The following SYNE1 variants were observed in gnomAD, a reference collection of about 807,000 sequenced individuals.
SYNE1 encodes nesprin-1.
Under a neutral mutation model 1,111.0 loss-of-function variants are expected in SYNE1, and 616 were observed. The observed-to-expected ratio is 0.55, with a 90% confidence interval of 0.52 to 0.59. SYNE1 has a LOEUF of 0.59. Among genes scored for constraint, SYNE1 ranks in the 20% least tolerant of loss-of-function variants. SYNE1 has a pLI of 0.00. For synonymous variants in SYNE1, 3,855 were observed against 3,825.8 expected, an observed-to-expected ratio of 1.01 and a Z score of -0.28; for missense variants, 10,006 against 10,417.0, an observed-to-expected ratio of 0.96 and a Z score of 1.72.
rs535844784 is a variant in SYNE1, at chr6:152,419,273, G to A, written c.5421+296C>T. On this transcript the variant is annotated intron_variant, in intron 40 of 145. Coordinates refer to ENST00000367255, the MANE Select transcript of SYNE1 (RefSeq NM_182961.4). The stretch of plus-strand genomic sequence containing the variant: ...TTCAGTTTTGAAATAAAACAAACTG[G>A]GAAGCTTAAAAATGGACATTCTTAT... Among the ~76,000 whole-genome samples the A allele has an allele frequency of 1.1e-4, 17 of 152,148 alleles. No individual in the cohort carries two copies. In the South Asian group the frequency reaches 2.5e-3, roughly 22 times the overall value.
chr6:152,220,752 A>T, intron 119 of SYNE1, 90 bp downstream of exon 119: 1 of 1,202,530 alleles, frequency 8.3e-7, no homozygotes, highest in Admixed American at 1.7e-5. Flanking sequence ...CTCACATAGA[A>T]AGACATACCA....
intron 105 of SYNE1, among the ~76,000 whole-genome samples, chr6:152,245,981 G>A (rs1321099758): frequency 6.6e-6 from 1 of 152,112 alleles, no homozygotes; most frequent in Non-Finnish European, 1.5e-5. Flanking sequence ...CTGAATGTGG[G>A]GCCCCTGAGT....
chr6:152,409,782 T>C, intron 42 of SYNE1, 73 bp from the exon 43 acceptor site: 1 of 1,520,650 alleles, frequency 6.6e-7, no homozygotes, highest in Non-Finnish European at 9.1e-7. Flanking sequence ...GCAATTGGAC[T>C]TGATGTTTCA....
At chr6:152,546,541 C>T (rs2099314111) in intron 3 of SYNE1, 1 of 152,094 alleles carries the variant, frequency 6.6e-6, no homozygotes. Context: ...TTCAACTCTG[C>T]TCTGAGACCT....
intron 45 of SYNE1, 71 bp downstream of exon 45, chr6:152,406,943 A>G: frequency 9.1e-7 from 1 of 1,103,418 alleles, no homozygotes; most frequent in Non-Finnish European, 1.2e-6. Flanking sequence ...TTTAAGAAAG[A>G]CTTTTTTTTT....
chr6:152,290,684 C>G (rs907293864), intron 95 of SYNE1, among the ~76,000 whole-genome samples: 8 of 152,210 alleles, frequency 5.3e-5, no homozygotes, highest in South Asian at 4.2e-4. Context: ...CTTAAAAAAA[C>G]ATGAATACTT....
chr6:152,224,642 A>C lies in SYNE1; in HGVS notation c.21374T>G (p.Leu7125Arg). The change falls in exon 117 of 146, where the codon CTG (leucine) becomes CGG (arginine). Residue 7125 changes from leucine (L) to arginine (R), a missense_variant. By Grantham distance (102) the Leu-to-Arg change is moderately radical. This residue lies in a region of SYNE1 where 2,182 missense variants were observed against 2,287.8 expected (regional missense o/e 0.95). Transcript: ENST00000367255. ...ACTCCATTGGTCAAGCACTGATTTC[A>C]GCAGTATCTTTAATTGTCCAACCTT... ...DHMVGQLKIL[L>R]KSVLDQWSSH... The C allele has an allele frequency of 6.2e-7, 1 of 1,613,972 alleles. No individual in the cohort carries two copies. Among genetic ancestry groups the C allele is most frequent in the Non-Finnish European group, 8.5e-7 (1 of 1,179,960 alleles).
intron 144 of SYNE1, among the ~76,000 whole-genome samples, chr6:152,131,815 G>C (rs541187788): frequency 6.6e-6 from 1 of 152,310 alleles, no homozygotes; most frequent in East Asian, 1.9e-4. Flanking sequence ...CTTGAAGAAA[G>C]GAGCCACCAA....
intron 81 of SYNE1, among the ~76,000 whole-genome samples, chr6:152,324,316 T>A (rs954608301): frequency 1.3e-5 from 2 of 151,566 alleles, no homozygotes; most frequent in African/African-American, 2.4e-5. Context: ...GGAGAATTGC[T>A]TGAACCCAGG....
chr6:152,615,626 T>C (rs1744391), intron 3 of SYNE1, among the ~76,000 whole-genome samples: 96,742 of 152,022 alleles, frequency 0.64, 31,057 homozygotes, highest in Non-Finnish European at 0.69. Context: ...TAGAGTATTA[T>C]TTGTACACAT....
intron 4 of SYNE1, among the ~76,000 whole-genome samples, chr6:152,531,205 A>C (rs534980254): frequency 6.6e-6 from 1 of 151,972 alleles, no homozygotes; most frequent in Non-Finnish European, 1.5e-5. Flanking sequence ...CTCAATAAGA[A>C]AATGAAAAAA....
Position 152,416,589 on chromosome 6 carries a change from C to A in SYNE1, c.5848G>T (p.Ala1950Ser). Reference sequence around the variant, plus strand: ...TCTCCACAGAGCTGATCAGCCGTGGCTCTGCAGGAAGTCCTTTGCTCAGAG... The same window carrying A: ...TCTCCACAGAGCTGATCAGCCGTGGATCTGCAGGAAGTCCTTTGCTCAGAG... ...GSSEQRTSCR[A>S]TADQLCGEVE... Residue 1950 changes from alanine (A) to serine (S), a missense_variant, in exon 41 of 146, where the codon GCC (alanine) becomes TCC (serine). Physicochemically the swap from Ala to Ser is moderately conservative, Grantham distance 99. This residue lies in a region of SYNE1 where 4,955 missense variants were observed against 5,017.2 expected (regional missense o/e 0.99). Coordinates refer to ENST00000367255, the MANE Select transcript of SYNE1 (RefSeq NM_182961.4). 1 of 1,614,104 alleles carries A rather than the reference C, an allele frequency of 6.2e-7. No individual in the cohort carries two copies. Among genetic ancestry groups the A allele is most frequent in the East Asian group, 2.2e-5 (1 of 44,858 alleles).
chr6:152,396,823 C>T lies in SYNE1; in HGVS notation c.7508G>A (p.Cys2503Tyr). The T allele has an allele frequency of 6.2e-7, 1 of 1,614,160 alleles. No individual in the cohort carries two copies. The highest frequency in any genetic ancestry group is 1.1e-5 in the South Asian group (1 of 91,080). ...NEEFQAFLKQ[C>Y]LKDKQALQDC... ...TTGAAGAGCCTGCTTATCTTTAAGG[C>T]ATTGTTTCAGAAATGCTTGAAACTC... is the stretch of plus-strand genomic sequence containing the variant. Residue 2503 changes from cysteine (C) to tyrosine (Y), a missense_variant, in exon 50 of 146, where the codon TGC becomes TAC. Physicochemically the swap from Cys to Tyr is radical, Grantham distance 194. Around this residue, in one of 7 missense-constraint regions of SYNE1, gnomAD observed 4,955 missense variants for 5,017.2 expected, o/e 0.99. Coordinates refer to ENST00000367255, the MANE Select transcript of SYNE1 (RefSeq NM_182961.4).
At chr6:152,179,919 A>G (rs1354822940) in intron 129 of SYNE1, among the ~76,000 whole-genome samples, 4 of 151,656 alleles carry the variant, frequency 2.6e-5, no homozygotes, top group Non-Finnish European at 5.9e-5. Context: ...TCCTGACCTC[A>G]TGATCTGCCC....
chr6:152,221,061 C>G lies in SYNE1; in HGVS notation c.21657-15G>C. The G allele has an allele frequency of 2.5e-6, 4 of 1,613,526 alleles. No individual in the cohort carries two copies. The highest frequency in any genetic ancestry group is 3.4e-6 in the Non-Finnish European group (4 of 1,179,622). ...AGTTATTCCATCTGGAAATAATAAC[C>G]AACACTCATGAGCAGATTACCACCT... On this transcript the variant is annotated splice_polypyrimidine_tract_variant and intron_variant, in intron 118 of 145. Coordinates refer to ENST00000367255, the MANE Select transcript of SYNE1 (RefSeq NM_182961.4).
intron 3 of SYNE1, among the ~76,000 whole-genome samples, chr6:152,600,482 C>T (rs1419923849): frequency 6.6e-6 from 1 of 152,088 alleles, no homozygotes; most frequent in Non-Finnish European, 1.5e-5. Flanking sequence ...TACATAGAAA[C>T]TTAAGTGCAG....
At chr6:152,470,308 C>G (rs766577960) in intron 16 of SYNE1, among the ~76,000 whole-genome samples, 2 of 152,060 alleles carry the variant, frequency 1.3e-5, no homozygotes, top group Non-Finnish European at 2.9e-5. Flanking sequence ...TCTGAAATAT[C>G]CAGAACAAAG....
At chr6:152,245,050 G>A (rs1051718205) in intron 105 of SYNE1, among the ~76,000 whole-genome samples, 4 of 152,206 alleles carry the variant, frequency 2.6e-5, no homozygotes, top group African/African-American at 9.7e-5. Context: ...TCCTTGAAAC[G>A]TAGCTGTGAG....
Position 152,148,331 on chromosome 6 carries a change from T to TTCCAGC in SYNE1, c.24684_24689dup (p.Leu8229_Glu8230dup), listed in dbSNP as rs1356528122. 1.2e-6 allele frequency: 2 copies of TTCCAGC among 1,614,066 alleles called. No homozygotes were observed. Among genetic ancestry groups the TTCCAGC allele is most frequent in the African/African-American group, 2.7e-5 (2 of 74,944 alleles). On this transcript the variant is annotated inframe_insertion, in exon 137 of 146. Coordinates refer to ENST00000367255, the MANE Select transcript of SYNE1 (RefSeq NM_182961.4). The surrounding 1 kb of genome is among the most constrained non-coding windows in gnomAD (Gnocchi z 4.1). Reference sequence around the variant, plus strand: ...GCAGGTCCGACAGAGCTGCAGAGTCTTCCAGCTCCAGCTCCCTGTCTGAGA... The same window carrying TTCCAGC: ...GCAGGTCCGACAGAGCTGCAGAGTCTTCCAGCTCCAGCTCCAGCTCCCTGTCTGAGA...
Sources: allele counts gnomAD v4.1 joint callset (sites outside exome capture counted in the v4.1 genomes callset), GRCh38; gene constraint gnomAD v4.1.1; regional missense constraint gnomAD v4.1.1; non-coding constraint Gnocchi (gnomAD v3.1); transcripts MANE v1.5; gene names NCBI Gene and HGNC (gene_info 2026-07-23, HGNC 2026-07-21).